The following ATP6V1B1 variants were observed in gnomAD, a reference collection of about 807,000 sequenced individuals.
ATP6V1B1 encodes ATPase H+ transporting V1 subunit B1.
A neutral mutation model predicts 62.1 loss-of-function variants in ATP6V1B1; 41 were observed. That is an observed-to-expected ratio of 0.66 (90% CI 0.51 to 0.86). ATP6V1B1 has a LOEUF of 0.86. ATP6V1B1 is among the 40% of genes least tolerant of loss of function. The pLI is 0.00. For synonymous variants in ATP6V1B1, 253 were observed against 273.4 expected, an observed-to-expected ratio of 0.93 and a Z score of 0.74; for missense variants, 651 against 697.5, an observed-to-expected ratio of 0.93 and a Z score of 0.75.
rs781846940 is a variant in ATP6V1B1 at position 70,936,089 on chromosome 2, C to T, written c.118+17C>T. 2 of 1,612,342 alleles carry T rather than the reference C, an allele frequency of 1.2e-6. No individual in the cohort carries two copies. Among genetic ancestry groups the T allele is most frequent in the South Asian group, 2.2e-5 (2 of 91,020 alleles). On this transcript the variant is annotated intron_variant, in intron 1 of 13. Transcript: ENST00000234396. Reference sequence around the variant, plus strand: ...CCCGTGTCAGTGAGTAGCCCCTCCACCGTGACGGGTGAGGTCAGGGTGGGG... The same window carrying T: ...CCCGTGTCAGTGAGTAGCCCCTCCATCGTGACGGGTGAGGTCAGGGTGGGG...
intron 2 of ATP6V1B1, among the ~76,000 whole-genome samples, chr2:70,946,963 C>T (rs781951033): frequency 9.2e-5 from 14 of 152,208 alleles, no homozygotes; most frequent in Non-Finnish European, 2.1e-4. Flanking sequence ...CCCCATCCCT[C>T]TCCGTTGCCC....
At chr2:70,940,169 A>T in intron 1 of ATP6V1B1, 1 of 164,416 alleles carries the variant, frequency 6.1e-6, no homozygotes, top group Non-Finnish European at 1.3e-5. Context: ...CCCCACTCCC[A>T]GGTGGAGTTG....
chr2:70,956,719 C>T (rs1680442119), intron 2 of ATP6V1B1, among the ~76,000 whole-genome samples: 1 of 152,054 alleles, frequency 6.6e-6, no homozygotes, highest in South Asian at 2.1e-4. Context: ...TCTCCTGCCT[C>T]AGCCTCCCAA....
chr2:70,950,555 T>C (rs578077632), intron 2 of ATP6V1B1, among the ~76,000 whole-genome samples: 1 of 152,140 alleles, frequency 6.6e-6, no homozygotes, highest in South Asian at 2.1e-4. Context: ...CTATTGCAGA[T>C]GGGATGGTTT....
At chr2:70,954,834 G>C (rs181782873) in intron 2 of ATP6V1B1, among the ~76,000 whole-genome samples, 4 of 142,478 alleles carry the variant, frequency 2.8e-5, no homozygotes, top group Non-Finnish European at 4.8e-5. Context: ...GTAAATCAGC[G>C]ACCTGGGAAG....
At chr2:70,943,746 G>A in intron 2 of ATP6V1B1, 33 bp downstream of exon 2, 1 of 1,612,222 alleles carries the variant, frequency 6.2e-7, no homozygotes. Flanking sequence ...CTGGCACTAA[G>A]GCCAAATCCC....
At chr2:70,964,667 C>T (rs756657516) in intron 12 of ATP6V1B1, 69 bp from the exon 13 acceptor site, 15 of 1,612,642 alleles carry the variant, frequency 9.3e-6, no homozygotes, top group Non-Finnish European at 1.3e-5. Context: ...CCCAGTGTGG[C>T]CAGGTTGGGG....
At chr2:70,956,627 G>C (rs1358758483) in intron 2 of ATP6V1B1, among the ~76,000 whole-genome samples, 2 of 151,984 alleles carry the variant, frequency 1.3e-5, no homozygotes, top group African/African-American at 4.8e-5. Context: ...TTTTGAGACG[G>C]AGTCTTTCTC....
chr2:70,957,663 T>A, intron 2 of ATP6V1B1: 1 of 345,834 alleles, frequency 2.9e-6, no homozygotes, highest in Non-Finnish European at 5.7e-6. Flanking sequence ...TCTGCATATG[T>A]TATCTCATTT....
At position 70,960,192 on chromosome 2, in the gene ATP6V1B1, G is replaced by T. The variant is rs548470374; in HGVS notation, c.585+114G>T. 4.0e-6 allele frequency: 6 copies of T among 1,500,192 alleles called. No homozygotes were observed. In the South Asian group the frequency reaches 4.9e-5, roughly 12 times the overall value. The allele number at this position is 1,500,192 out of a possible 1,614,324, so 92.9% of individuals were successfully genotyped here. ...AAGCAGGCAGGGGCTGGCAGGGCTG[G>T]GGTCGCCAGCATCGAGACTGGCAGC... On this transcript the variant is annotated intron_variant, in intron 6 of 13. Coordinates refer to ENST00000234396, the MANE Select transcript of ATP6V1B1 (RefSeq NM_001692.4).
intron 11 of ATP6V1B1, 29 bp from the exon 12 acceptor site, chr2:70,964,409 T>C: frequency 6.2e-7 from 1 of 1,609,544 alleles, no homozygotes; most frequent in Non-Finnish European, 8.5e-7. Context: ...AGTCCTGCTG[T>C]CCACCACTCC....
chr2:70,939,625 G>A (rs1404049931), intron 1 of ATP6V1B1: 1 of 152,244 alleles, frequency 6.6e-6, no homozygotes, highest in Non-Finnish European at 1.5e-5. Context: ...CTGTTGCTCA[G>A]CCCCCATTTT....
rs565887231 is a variant in ATP6V1B1 at position 70,951,674 on chromosome 2, G to A, written c.175-6372G>A. On this transcript the variant is annotated intron_variant, in intron 2 of 13. Coordinates refer to ENST00000234396, the MANE Select transcript of ATP6V1B1 (RefSeq NM_001692.4). ...TGTAATCCCAGCACTTCAGGACGCC[G>A]AGGCAGGCAGGTCAGGAGTTCGAGA... 3.3e-5 allele frequency among the ~76,000 whole-genome samples: 5 copies of A among 152,088 alleles called. No individual in the cohort carries two copies. The East Asian group carries it at 5.8e-4, about 18-fold the overall frequency.
At chr2:70,948,388 A>G (rs1680237933) in intron 2 of ATP6V1B1, 1 of 153,762 alleles carries the variant, frequency 6.5e-6, no homozygotes, top group Admixed American at 6.6e-5. Flanking sequence ...ACAGAAAATG[A>G]TCACTTTTAA....
chr2:70,942,523 G>C, intron 1 of ATP6V1B1: 1 of 397,014 alleles, frequency 2.5e-6, no homozygotes, highest in Admixed American at 4.4e-5. Flanking sequence ...GTTTTTCTTT[G>C]GCATGGGGTG....
chr2:70,945,045 C>A (rs1395130941), intron 2 of ATP6V1B1, among the ~76,000 whole-genome samples: 1 of 152,176 alleles, frequency 6.6e-6, no homozygotes, highest in Non-Finnish European at 1.5e-5. Context: ...GTGTAGAAAC[C>A]AACACCTGAA....
chr2:70,941,697 T>C (rs939623905), intron 1 of ATP6V1B1: 9 of 979,642 alleles, frequency 9.2e-6, no homozygotes, highest in Middle Eastern at 5.2e-4. Flanking sequence ...GCAGTAGATA[T>C]GCTTGAAGAA....
intron 2 of ATP6V1B1, among the ~76,000 whole-genome samples, chr2:70,955,265 C>T (rs1461927824): frequency 2.0e-5 from 3 of 152,180 alleles, no homozygotes; most frequent in African/African-American, 7.2e-5. Context: ...GATCATGGCT[C>T]ATTGCAAGTT....
At chr2:70,955,571 C>T (rs979511722) in intron 2 of ATP6V1B1, among the ~76,000 whole-genome samples, 3 of 152,158 alleles carry the variant, frequency 2.0e-5, no homozygotes, top group African/African-American at 4.8e-5. Context: ...ATTAATAGAA[C>T]TGTGTAATAT....
Sources: allele counts gnomAD v4.1 joint callset (sites outside exome capture counted in the v4.1 genomes callset), GRCh38; gene constraint gnomAD v4.1.1; transcripts MANE v1.5; gene names NCBI Gene and HGNC (gene_info 2026-07-23, HGNC 2026-07-21).